Variants in CPNE3 observed in about 807,000 individuals in gnomAD.
CPNE3 encodes copine-3.
A neutral mutation model predicts 63.9 loss-of-function variants in CPNE3; 68 were observed. The observed-to-expected ratio is 1.06, with a 90% CI of 0.87 to 1.30. The LOEUF (loss-of-function observed/expected upper bound fraction) is 1.30. Ranked by LOEUF, CPNE3 falls within the 50% of genes most tolerant of loss-of-function variation. CPNE3 has a pLI of 0.00. For synonymous variants in CPNE3, 219 were observed against 197.5 expected (o/e 1.11, Z -0.91); for missense variants, 665 against 578.1 (o/e 1.15, Z -1.54).
At chr8:86,516,150 G>T (rs141853024) in intron 2 of CPNE3, among the ~76,000 whole-genome samples, 163 of 152,304 alleles carry the variant, frequency 1.1e-3, no homozygotes, top group African/African-American at 3.7e-3. Context: ...CTAGATGTGA[G>T]GTGGAGCTGA....
chr8:86,533,579 T>C (rs1820732228), intron 6 of CPNE3, among the ~76,000 whole-genome samples: 1 of 151,210 alleles, frequency 6.6e-6, no homozygotes, highest in Non-Finnish European at 1.5e-5. Flanking sequence ...TTTTAGACTA[T>C]AGGCTGGGGA....
intron 6 of CPNE3, among the ~76,000 whole-genome samples, chr8:86,532,960 G>A (rs984774778): frequency 6.6e-6 from 1 of 152,056 alleles, no homozygotes; most frequent in Non-Finnish European, 1.5e-5. Context: ...AAGGATGAGT[G>A]CCAATACATA....
intron 16 of CPNE3, among the ~76,000 whole-genome samples, chr8:86,557,593 T>C (rs530138370): frequency 2.0e-5 from 3 of 152,138 alleles, no homozygotes; most frequent in Non-Finnish European, 4.4e-5. Context: ...CCACCAGCAA[T>C]GGAAGGGGAG....
At chr8:86,545,615 G>T (rs1306673729) in intron 9 of CPNE3, among the ~76,000 whole-genome samples, 1 of 152,096 alleles carries the variant, frequency 6.6e-6, no homozygotes, top group African/African-American at 2.4e-5. Flanking sequence ...AACCATCAAA[G>T]AATTTGTTTA....
intron 12 of CPNE3, among the ~76,000 whole-genome samples, chr8:86,549,750 G>C (rs7833201): frequency 0.1 from 15,619 of 152,206 alleles, 840 homozygotes; most frequent in Non-Finnish European, 0.12. Context: ...GCTTCCCTCC[G>C]GGGTTCCATA....
intron 2 of CPNE3, among the ~76,000 whole-genome samples, chr8:86,520,413 G>T (rs977001692): frequency 7.0e-6 from 1 of 142,960 alleles, no homozygotes. Context: ...AAAATTAGCT[G>T]GGCGTGATGG....
intron 2 of CPNE3, among the ~76,000 whole-genome samples, chr8:86,523,878 G>A (rs190352984): frequency 3.2e-4 from 48 of 152,300 alleles, no homozygotes; most frequent in Non-Finnish European, 5.0e-4. Flanking sequence ...GTGAGCCACC[G>A]TGCCCGGCCT....
At chr8:86,525,694 G>A (rs1192948544) in intron 2 of CPNE3, among the ~76,000 whole-genome samples, 2 of 152,184 alleles carry the variant, frequency 1.3e-5, no homozygotes, top group African/African-American at 4.8e-5. Flanking sequence ...GACTTCACAT[G>A]TAGATGTCTT....
In CPNE3 at chr8:86,551,210, A is replaced by G. The variant is rs1411076094; in HGVS notation, c.1096A>G (p.Asn366Asp). The change falls in exon 14 of 17, where the codon AAC (asparagine) becomes GAC (aspartate). Residue 366 changes from asparagine (N) to aspartate (D), a missense_variant. By Grantham distance (23) the Asn-to-Asp change is conservative. Coordinates refer to ENST00000517490, the MANE Select transcript of CPNE3 (RefSeq NM_003909.5). Reference sequence around the variant, plus strand: ...ATCACATGAATTTCCAATGAACTTCAACCCATCCAATCCCTACTGCAATGG... The same window carrying G: ...ATCACATGAATTTCCAATGAACTTCGACCCATCCAATCCCTACTGCAATGG... ...QVSHEFPMNF[N>D]PSNPYCNGIQ... 6 of 1,609,044 alleles carry G rather than the reference A, an allele frequency of 3.7e-6. No individual in the cohort carries two copies. Among genetic ancestry groups the G allele is most frequent in the Non-Finnish European group, 5.1e-6 (6 of 1,175,538 alleles).
At chr8:86,527,755 G>C (rs1214276344) in intron 2 of CPNE3, among the ~76,000 whole-genome samples, 2 of 151,786 alleles carry the variant, frequency 1.3e-5, no homozygotes, top group African/African-American at 4.8e-5. Flanking sequence ...AGGGGGCTTT[G>C]GGGGCTTTTG....
At chr8:86,514,669 C>T (rs113864238) in intron 1 of CPNE3, 128 bp downstream of exon 1, 1 of 152,300 alleles carries the variant, frequency 6.6e-6, no homozygotes, top group African/African-American at 2.4e-5. Context: ...CAGGTCCCGC[C>T]GGGCCCTGCT....
chr8:86,557,120 G>A (rs79929441), intron 16 of CPNE3, among the ~76,000 whole-genome samples: 3,461 of 152,058 alleles, frequency 0.023, 59 homozygotes, highest in Admixed American at 0.035. Flanking sequence ...AAACATTTAC[G>A]CATGGGTTTT....
At chr8:86,551,665 C>T (rs149026429) in intron 14 of CPNE3, among the ~76,000 whole-genome samples, 60 of 152,206 alleles carry the variant, frequency 3.9e-4, no homozygotes, top group South Asian at 8.3e-4. Flanking sequence ...TCACTCTCTA[C>T]GAAGAGAAAA....
chr8:86,528,930 TGCGG>T lies in CPNE3; in HGVS notation c.133-14_133-11del, dbSNP rs1417210293. ...TGATCTGAAGAAACTTTTTTGTTTT[TGCGG>T]ATGGGTGTAGGTTGAGCGCACAGAA... On this transcript the variant is annotated splice_polypyrimidine_tract_variant and intron_variant, in intron 3 of 16. Coordinates refer to ENST00000517490, the MANE Select transcript of CPNE3 (RefSeq NM_003909.5). The T allele has an allele frequency of 1.3e-6, 2 of 1,591,300 alleles. No individual in the cohort carries two copies. Among genetic ancestry groups the T allele is most frequent in the Admixed American group, 1.8e-5 (1 of 54,902 alleles).
At chr8:86,553,722 C>A (rs1001194473) in intron 14 of CPNE3, among the ~76,000 whole-genome samples, 1 of 150,274 alleles carries the variant, frequency 6.7e-6, no homozygotes, top group African/African-American at 2.4e-5. Context: ...ATTTTAAAAG[C>A]AAGAGACCTG....
chr8:86,524,990 G>T (rs1820512190), intron 2 of CPNE3: 1 of 152,328 alleles, frequency 6.6e-6, no homozygotes, highest in Admixed American at 6.6e-5. Context: ...GAGTAGCTGG[G>T]ATTACAGGCA....
At position 86,559,862 on chromosome 8, in the gene CPNE3, G is replaced by A. The variant is rs1264572012; in HGVS notation, c.*1452G>A. The A allele has an allele frequency of 3.3e-5, 5 of 152,180 alleles. No individual in the cohort carries two copies. The highest frequency in any genetic ancestry group is 3.3e-4 in the Admixed American group (5 of 15,272). The allele number at this position is 152,180 out of a possible 1,614,324, so 9.4% of individuals were successfully genotyped here. A position where few individuals can be genotyped will look rare whatever the true frequency, so the allele number is the denominator to read the frequency against. ...TGGACACATACAGTGCCATGTTGAT[G>A]TGCCTCTCAGTTTTATTGAAAAGCT... is the stretch of plus-strand genomic sequence containing the variant. On this transcript the variant is annotated 3_prime_UTR_variant, in exon 17 of 17. Coordinates refer to ENST00000517490, the MANE Select transcript of CPNE3 (RefSeq NM_003909.5).
In CPNE3 at chr8:86,529,012, A is replaced by C; in HGVS notation, c.200A>C (p.Tyr67Ser). The C allele has an allele frequency of 6.2e-7, 1 of 1,613,634 alleles. No individual in the cohort carries two copies. The highest frequency in any genetic ancestry group is 8.5e-7 in the Non-Finnish European group (1 of 1,179,578). The change falls in exon 4 of 17, where the codon TAC (tyrosine) becomes TCC (serine). Residue 67 changes from tyrosine (Y) to serine (S), a missense_variant. Physicochemically the swap from Tyr to Ser is moderately radical, Grantham distance 144. Transcript: ENST00000517490. Reference protein sequence around the residue: ...PQFSKTFIIDYYFEVVQKLKF... With the variant: ...PQFSKTFIIDSYFEVVQKLKF... ...TTTTCCAAGACATTTATTATTGATT[A>C]CTACTTTGAAGTGGTTCAGAAATTG...
At chr8:86,524,882 G>GTCTTTCTTTCTTTCTTTCTTTCTTTCTT (rs1820509947) in intron 2 of CPNE3, 1 of 68,564 alleles carries the variant, frequency 1.5e-5, no homozygotes, top group African/African-American at 6.0e-5. Flanking sequence ...TTTAGACGGA[G>GTCTTTCTTTCTTTCTTTCTTTCTTTCTT]TCTTGCTCTG....
Sources: allele counts gnomAD v4.1 joint callset (sites outside exome capture counted in the v4.1 genomes callset), GRCh38; gene constraint gnomAD v4.1.1; transcripts MANE v1.5; gene names NCBI Gene and HGNC (gene_info 2026-07-23, HGNC 2026-07-21).